Variants in USP7 observed in about 807,000 individuals in gnomAD.
The protein encoded by USP7 is ubiquitin specific peptidase 7.
Under a neutral mutation model 162.9 loss-of-function variants are expected in USP7, and 9 were observed. The observed-to-expected ratio is 0.06, with a 90% confidence interval of 0.03 to 0.10. The LOEUF (loss-of-function observed/expected upper bound fraction) is 0.10. USP7 is among the 10% of genes least tolerant of loss of function. The pLI, the probability that USP7 is intolerant of heterozygous loss-of-function variation, is 1.00. For synonymous variants in USP7, 562 were observed against 475.9 expected (o/e 1.18, Z -2.35); for missense variants, 715 against 1,373.7 (o/e 0.52, Z 7.58).
rs147964623 is a variant in USP7, at chr16:8,913,314, C to G, written c.1078+1940G>C. On this transcript the variant is annotated intron_variant, in intron 10 of 30. Coordinates refer to ENST00000344836, the MANE Select transcript of USP7 (RefSeq NM_003470.3). ...GAGGTTGCAGTGAGCCGAGATCGCA[C>G]CACTGCACTCCAGCCTGGGCAACAG... is the stretch of plus-strand genomic sequence containing the variant. 8.0e-3 allele frequency among the ~76,000 whole-genome samples: 1,215 copies of G among 152,236 alleles called. 16 individuals are homozygous for G. The highest frequency in any genetic ancestry group is 0.027 in the African/African-American group (1,118 of 41,506).
rs372569220 is a variant in USP7, at chr16:8,912,475, A to C, written c.1079-1648T>G. ...AAAAAAAAAAAAAGAAAGAAAAAAG[A>C]AAATAAACATTACCAAGCATGCAAA... On this transcript the variant is annotated intron_variant, in intron 10 of 30. Coordinates refer to ENST00000344836, the MANE Select transcript of USP7 (RefSeq NM_003470.3). Among the ~76,000 whole-genome samples, 3 of 150,376 alleles carry C rather than the reference A, an allele frequency of 2.0e-5. No individual in the cohort carries two copies. The South Asian group carries it at 6.2e-4, about 31-fold the overall frequency.
intron 10 of USP7, among the ~76,000 whole-genome samples, chr16:8,911,178 A>G (rs1333545829): frequency 6.6e-6 from 1 of 152,250 alleles, no homozygotes; most frequent in African/African-American, 2.4e-5. Context: ...GCAGAGATGC[A>G]CAAATGTGAA....
intron 11 of USP7, among the ~76,000 whole-genome samples, chr16:8,908,729 A>G (rs1254368739): frequency 3.3e-5 from 5 of 152,246 alleles, no homozygotes; most frequent in Non-Finnish European, 7.3e-5. Context: ...CAGGGAAGAA[A>G]TGGTTAAGGA....
chr16:8,906,664 T>G, intron 12 of USP7, 82 bp from the exon 13 acceptor site: 1 of 1,381,472 alleles, frequency 7.2e-7, no homozygotes, highest in Middle Eastern at 2.5e-4. Flanking sequence ...GGCCATTTAA[T>G]GTACTGGCTC....
At chr16:8,914,705 C>T (rs1268967444) in intron 10 of USP7, among the ~76,000 whole-genome samples, 3 of 152,020 alleles carry the variant, frequency 2.0e-5, no homozygotes, top group African/African-American at 7.3e-5. Flanking sequence ...GTTGCTTAAA[C>T]CCAGGAGTTC....
chr16:8,921,352 T>G, intron 3 of USP7, 57 bp from the exon 4 acceptor site: 1 of 1,581,688 alleles, frequency 6.3e-7, no homozygotes, highest in Non-Finnish European at 8.6e-7. Flanking sequence ...TGTTATACAT[T>G]TTTAAAGACA....
chr16:8,913,000 G>C lies in USP7; in HGVS notation c.1079-2173C>G, dbSNP rs1200085454. Among the ~76,000 whole-genome samples the C allele has an allele frequency of 7.2e-5, 11 of 152,104 alleles. No individual in the cohort carries two copies. The East Asian group carries it at 2.1e-3, about 29-fold the overall frequency. On this transcript the variant is annotated intron_variant, in intron 10 of 30. Transcript: ENST00000344836. The stretch of plus-strand genomic sequence containing the variant: ...AGGAGACTAGGACATCTGGAGGCTG[G>C]GGGTAACCTCAGGCAGCCAGAATCA...
chr16:8,894,667 C>T lies in USP7; in HGVS notation c.3112-27G>A, dbSNP rs763125058. 7 of 1,611,636 alleles carry T rather than the reference C, an allele frequency of 4.3e-6. No individual in the cohort carries two copies. In the Admixed American group the frequency reaches 1.0e-4, roughly 23 times the overall value. Reference sequence around the variant, plus strand: ...TAAAAGAAAAAAAATTAAAACTCCTCCGTTATTTCTGTATATCAGCAAAAC... The same window carrying T: ...TAAAAGAAAAAAAATTAAAACTCCTTCGTTATTTCTGTATATCAGCAAAAC... On this transcript the variant is annotated intron_variant, in intron 29 of 30. Coordinates refer to ENST00000344836, the MANE Select transcript of USP7 (RefSeq NM_003470.3).
intron 14 of USP7, among the ~76,000 whole-genome samples, 153 bp downstream of exon 14, chr16:8,905,034 C>T (rs539955795): frequency 3.3e-5 from 5 of 152,154 alleles, no homozygotes; most frequent in African/African-American, 7.2e-5. Flanking sequence ...TGCATCGAAA[C>T]GCGCAAGCCC....
At chr16:8,933,546 G>C (rs912281663) in intron 1 of USP7, among the ~76,000 whole-genome samples, 2 of 152,150 alleles carry the variant, frequency 1.3e-5, no homozygotes, top group African/African-American at 4.8e-5. Flanking sequence ...ACCTACTAGA[G>C]ATTAGGGTTA....
chr16:8,920,335 G>C (rs761937470), intron 5 of USP7, 24 bp downstream of exon 5: 1 of 1,587,484 alleles, frequency 6.3e-7, no homozygotes, highest in South Asian at 1.1e-5. Context: ...ATTTTTAACA[G>C]CACCTGATTA....
intron 1 of USP7, chr16:8,962,457 C>T: frequency 2.2e-6 from 1 of 447,642 alleles, no homozygotes; most frequent in Non-Finnish European, 4.5e-6. Context: ...ACTGCCACAT[C>T]GGCAGAAAAC....
chr16:8,957,950 T>G (rs974156849), intron 1 of USP7, among the ~76,000 whole-genome samples: 1 of 152,136 alleles, frequency 6.6e-6, no homozygotes, highest in Admixed American at 6.5e-5. Context: ...TAAAACTGAA[T>G]GAGCACCTAT....
intron 1 of USP7, among the ~76,000 whole-genome samples, chr16:8,945,607 G>A (rs1899241717): frequency 6.6e-6 from 1 of 152,134 alleles, no homozygotes; most frequent in East Asian, 1.9e-4. Context: ...CATGGAGTGG[G>A]AGACAGCACA....
intron 13 of USP7, among the ~76,000 whole-genome samples, chr16:8,905,734 T>C (rs775166475): frequency 6.6e-6 from 1 of 152,246 alleles, no homozygotes; most frequent in Non-Finnish European, 1.5e-5. Flanking sequence ...TCAAACTAAA[T>C]GAGCTGTTTT....
intron 1 of USP7, among the ~76,000 whole-genome samples, chr16:8,941,354 C>A (rs916507760): frequency 6.6e-6 from 1 of 152,232 alleles, no homozygotes; most frequent in African/African-American, 2.4e-5. Flanking sequence ...ACATACCCTA[C>A]ATATCCTGCA....
chr16:8,929,347 G>T (rs758498206), intron 2 of USP7: 1 of 394,756 alleles, frequency 2.5e-6, no homozygotes, highest in African/African-American at 2.1e-5. Context: ...CAAAGCAGCG[G>T]GTTTAGACCA....
intron 3 of USP7, 100 bp from the exon 4 acceptor site, chr16:8,921,395 A>T (rs30761): frequency 1 from 1,369,684 of 1,372,708 alleles, 683,384 homozygotes; most frequent in East Asian, 1. Context: ...CCCATTTATG[A>T]TTTCATTGCT....
chr16:8,935,673 A>G (rs140846417), intron 1 of USP7: 1 of 152,360 alleles, frequency 6.6e-6, no homozygotes, highest in Non-Finnish European at 1.5e-5. Flanking sequence ...CCACTCAGAA[A>G]TAGAAGACAG....
Sources: gnomAD v4.1 joint callset for allele counts (sites outside exome capture counted in the v4.1 genomes callset) on GRCh38, gnomAD v4.1.1 for gene constraint, MANE v1.5 for transcripts, NCBI Gene and HGNC (gene_info 2026-07-23, HGNC 2026-07-21) for gene names.